The following NIPAL3 variants were observed in gnomAD, a reference collection of about 807,000 sequenced individuals.
NIPAL3 encodes the protein NIPA like domain containing 3.
A neutral mutation model predicts 47.2 loss-of-function variants in NIPAL3; 41 were observed. The ratio of observed to expected loss-of-function variants is 0.87; its 90% confidence interval spans 0.68 to 1.13. The LOEUF (loss-of-function observed/expected upper bound fraction) is 1.13. NIPAL3 is among the 50% of genes most tolerant of loss of function. The pLI, the probability that NIPAL3 is intolerant of heterozygous loss-of-function variation, is 0.00. For synonymous variants in NIPAL3, 194 were observed against 209.6 expected, an observed-to-expected ratio of 0.93 and a Z score of 0.64; for missense variants, 449 against 530.1, an observed-to-expected ratio of 0.85 and a Z score of 1.50.
chr1:24,425,392 C>G (rs1009261451), intron 2 of NIPAL3, among the ~76,000 whole-genome samples: 1 of 152,150 alleles, frequency 6.6e-6, no homozygotes, highest in Non-Finnish European at 1.5e-5. Flanking sequence ...AATTCTTCTT[C>G]CAATGTGGCC....
At chr1:24,439,583 A>G (rs1260868974) in intron 2 of NIPAL3, among the ~76,000 whole-genome samples, 2 of 152,078 alleles carry the variant, frequency 1.3e-5, no homozygotes, top group African/African-American at 2.4e-5. Flanking sequence ...CTAAGATATT[A>G]TTATTTTTAT....
intron 2 of NIPAL3, among the ~76,000 whole-genome samples, chr1:24,428,599 A>G (rs1326945091): frequency 6.6e-6 from 1 of 152,084 alleles, no homozygotes; most frequent in Non-Finnish European, 1.5e-5. Flanking sequence ...ACTTTGTTGA[A>G]CCTAAGCCTA....
At position 24,451,792 on chromosome 1, in the gene NIPAL3, G is replaced by A. The variant is rs1351397722; in HGVS notation, c.541-1616G>A. Among the ~76,000 whole-genome samples, 1 of 152,164 alleles carries A rather than the reference G, an allele frequency of 6.6e-6. No individual in the cohort carries two copies. The highest frequency in any genetic ancestry group is 1.5e-5 in the Non-Finnish European group (1 of 68,036). Reference sequence around the variant, plus strand: ...AGGCACAGTGGTTGGGAATGTTGATGATTGACAGCACATCCACTTGATGAA... The same window carrying A: ...AGGCACAGTGGTTGGGAATGTTGATAATTGACAGCACATCCACTTGATGAA... On this transcript the variant is annotated intron_variant, in intron 6 of 11. Coordinates refer to ENST00000374399, the MANE Select transcript of NIPAL3 (RefSeq NM_020448.5). The surrounding 1 kb of genome is among the most constrained non-coding windows in gnomAD (Gnocchi z 4.5).
intron 4 of NIPAL3, among the ~76,000 whole-genome samples, chr1:24,443,870 A>C (rs944587584): frequency 1.6e-4 from 25 of 152,172 alleles, no homozygotes; most frequent in Admixed American, 8.5e-4. Context: ...GTATGTGATC[A>C]TACCTGTAGC....
At chr1:24,434,391 G>C (rs1293764455) in intron 2 of NIPAL3, among the ~76,000 whole-genome samples, 3 of 152,276 alleles carry the variant, frequency 2.0e-5, no homozygotes, top group Admixed American at 2.0e-4. Flanking sequence ...TCATCAAGAA[G>C]ATGTAACAAT....
intron 3 of NIPAL3, 144 bp downstream of exon 3, chr1:24,440,384 G>A (rs879923498): frequency 5.9e-5 from 30 of 510,078 alleles, no homozygotes; most frequent in South Asian, 9.2e-5. Context: ...CTTGTGGGCC[G>A]TTCCAGGATT....
At chr1:24,427,308 G>A (rs546062748) in intron 2 of NIPAL3, among the ~76,000 whole-genome samples, 4 of 152,278 alleles carry the variant, frequency 2.6e-5, no homozygotes, top group South Asian at 2.1e-4. Flanking sequence ...TGTAGCCCAG[G>A]GCTGGTGGCA....
At chr1:24,433,257 A>G (rs1644956036) in intron 2 of NIPAL3, 1 of 152,120 alleles carries the variant, frequency 6.6e-6, no homozygotes, top group Non-Finnish European at 1.5e-5. Context: ...GAATAACCAC[A>G]CTCCACACAC....
intron 2 of NIPAL3, among the ~76,000 whole-genome samples, chr1:24,422,481 C>A (rs1305088761): frequency 2.0e-5 from 3 of 152,316 alleles, no homozygotes; most frequent in African/African-American, 7.2e-5. Context: ...CTAAAACATG[C>A]AGATTTCTAG....
At chr1:24,426,487 G>A (rs1471903222) in intron 2 of NIPAL3, among the ~76,000 whole-genome samples, 1 of 152,080 alleles carries the variant, frequency 6.6e-6, no homozygotes, top group East Asian at 1.9e-4. Context: ...TAGAGACAGG[G>A]TTTCACCATG....
At chr1:24,429,577 A>G (rs1644784750) in intron 2 of NIPAL3, among the ~76,000 whole-genome samples, 1 of 152,208 alleles carries the variant, frequency 6.6e-6, no homozygotes, top group African/African-American at 2.4e-5. Flanking sequence ...AGGCACTCAG[A>G]ACCGGAAGAG....
intron 2 of NIPAL3, among the ~76,000 whole-genome samples, chr1:24,434,025 T>A (rs968233435): frequency 6.6e-5 from 10 of 152,156 alleles, no homozygotes; most frequent in African/African-American, 2.4e-4. Context: ...AAGAGGGCAG[T>A]AATGGAGGAA....
At position 24,449,529 on chromosome 1, in the gene NIPAL3, C is replaced by T. The variant is rs1449174900; in HGVS notation, c.443C>T (p.Thr148Ile). ...GGCTGCGGTTTGGCTGTCGTGGGTA[C>T]CTACCTGCTGGTGACATTCGCACCC... ...FVGCGLAVVG[T>I]YLLVTFAPNS... The change falls in exon 6 of 12, where the codon ACC becomes ATC. Residue 148 changes from threonine (T) to isoleucine (I), a missense_variant. Coordinates refer to ENST00000374399, the MANE Select transcript of NIPAL3 (RefSeq NM_020448.5). The surrounding 1 kb of genome is among the most constrained non-coding windows in gnomAD (Gnocchi z 4.5). The T allele has an allele frequency of 6.2e-7, 1 of 1,614,016 alleles. No homozygotes were observed. The highest frequency in any genetic ancestry group is 1.1e-5 in the South Asian group (1 of 91,068).
At position 24,472,249 on chromosome 1, in the gene NIPAL3, T is replaced by C. The variant is rs776843846; in HGVS notation, c.*3064T>C. On this transcript the variant is annotated 3_prime_UTR_variant, in exon 12 of 12. Transcript: ENST00000374399. ...GAAAGTTAAATGGTAGTTTCCTGAC[T>C]GGAAGCCACACGTAGGTCACTTGAG... The C allele has an allele frequency of 6.6e-6, 1 of 152,180 alleles. No individual in the cohort carries two copies. Among genetic ancestry groups the C allele is most frequent in the Non-Finnish European group, 1.5e-5 (1 of 68,042 alleles). The allele number at this position is 152,180 out of a possible 1,614,324, so 9.4% of individuals were successfully genotyped here. A position where few individuals can be genotyped will look rare whatever the true frequency, so the allele number is the denominator to read the frequency against.
At position 24,464,047 on chromosome 1, in the gene NIPAL3, C is replaced by A. The variant is rs112247674; in HGVS notation, c.948C>A (p.Gly316=). The change falls in exon 11 of 12, where the codon GGC becomes GGA. Residue 316 remains glycine (G), a synonymous_variant. Transcript: ENST00000374399. ...GCAGGTGCCTCATTGCATTCTTGGGCGTCTTCTTAATCACGCGTAACAGGA... is the reference window on the plus strand; with the variant it reads ...GCAGGTGCCTCATTGCATTCTTGGGAGTCTTCTTAATCACGCGTAACAGGA... ...FALGCLIAFL[G]VFLITRNRKK... 1.2e-5 allele frequency: 19 copies of A among 1,612,236 alleles called. No individual in the cohort carries two copies. The highest frequency in any genetic ancestry group is 1.5e-5 in the Non-Finnish European group (18 of 1,178,770).
At chr1:24,461,661 G>A (rs1374459362) in intron 10 of NIPAL3, among the ~76,000 whole-genome samples, 1 of 151,982 alleles carries the variant, frequency 6.6e-6, no homozygotes, top group Admixed American at 6.6e-5. Flanking sequence ...GAGGTCAGGA[G>A]TTTGAGTCTA....
intron 4 of NIPAL3, 56 bp downstream of exon 4, chr1:24,442,282 G>A (rs936089866): frequency 2.0e-5 from 32 of 1,582,436 alleles, no homozygotes; most frequent in East Asian, 4.5e-5. Context: ...CGTGACCAGA[G>A]TGCCAGCGCC....
At chr1:24,458,123 A>G (rs796514661) in intron 8 of NIPAL3, among the ~76,000 whole-genome samples, 2 of 152,210 alleles carry the variant, frequency 1.3e-5, no homozygotes, top group African/African-American at 2.4e-5. Context: ...GGGGACAGCC[A>G]GTGAAGAAAC....
intron 10 of NIPAL3, among the ~76,000 whole-genome samples, chr1:24,460,931 G>T (rs1046088428): frequency 1.3e-5 from 2 of 152,166 alleles, no homozygotes; most frequent in Admixed American, 1.3e-4. Context: ...TAGCATACTT[G>T]AATGTGGGAG....
Sources: allele counts gnomAD v4.1 joint callset (sites outside exome capture counted in the v4.1 genomes callset), GRCh38; gene constraint gnomAD v4.1.1; non-coding constraint Gnocchi (gnomAD v3.1); transcripts MANE v1.5; gene names NCBI Gene and HGNC (gene_info 2026-07-23, HGNC 2026-07-21).